The following FAR2 variants were observed in gnomAD, a reference collection of about 807,000 sequenced individuals.
FAR2 encodes the protein fatty acyl-CoA reductase 2, also known as epididymis secretory protein Li 81.
Under a neutral mutation model 56.0 loss-of-function variants are expected in FAR2, and 19 were observed. The observed-to-expected ratio is 0.34, with a 90% CI of 0.24 to 0.50. The LOEUF (loss-of-function observed/expected upper bound fraction) is 0.50, where lower values mean the gene tolerates loss of function less well. FAR2 is among the 20% of genes least tolerant of loss of function. FAR2 has a pLI of 0.98. For synonymous variants in FAR2, 219 were observed against 218.8 expected, an observed-to-expected ratio of 1.00 and a Z score of -0.01; for missense variants, 508 against 642.2, an observed-to-expected ratio of 0.79 and a Z score of 2.26.
intron 2 of FAR2, among the ~76,000 whole-genome samples, chr12:29,287,349 C>G (rs184988478): frequency 1.3e-5 from 2 of 152,286 alleles, no homozygotes; most frequent in East Asian, 1.9e-4. Flanking sequence ...TCCTTTACAT[C>G]TTATGAGAGT....
At chr12:29,192,198 C>T (rs10771492) in intron 1 of FAR2, among the ~76,000 whole-genome samples, 122,222 of 152,260 alleles carry the variant, frequency 0.8, 49,566 homozygotes, top group East Asian at 0.91. Flanking sequence ...AATTGCACAC[C>T]ACAGTGAATA....
chr12:29,226,671 T>G (rs1203317029), intron 1 of FAR2, among the ~76,000 whole-genome samples: 3 of 152,134 alleles, frequency 2.0e-5, no homozygotes, highest in African/African-American at 7.2e-5. Flanking sequence ...GTTTAGATAT[T>G]TAATTTTTGT....
intron 1 of FAR2, among the ~76,000 whole-genome samples, chr12:29,260,721 G>C (rs1286900136): frequency 6.6e-6 from 1 of 152,170 alleles, no homozygotes; most frequent in Non-Finnish European, 1.5e-5. Context: ...CCAGGCCCTG[G>C]CTCCAGGAAG....
intron 2 of FAR2, chr12:29,277,681 G>A (rs1404459499): frequency 6.6e-6 from 1 of 152,196 alleles, no homozygotes; most frequent in African/African-American, 2.4e-5. Context: ...TAGTGCCACT[G>A]GAGCTCAGGA....
At chr12:29,204,336 T>A (rs1287148471) in intron 1 of FAR2, among the ~76,000 whole-genome samples, 3 of 152,004 alleles carry the variant, frequency 2.0e-5, no homozygotes, top group African/African-American at 7.3e-5. Context: ...AATGGGGTGA[T>A]ATCAAGAGGT....
chr12:29,178,045 A>G (rs1949954879), intron 1 of FAR2, among the ~76,000 whole-genome samples: 1 of 152,190 alleles, frequency 6.6e-6, no homozygotes, highest in African/African-American at 2.4e-5. Flanking sequence ...AATTCATGGC[A>G]TCTCATGTGA....
intron 1 of FAR2, among the ~76,000 whole-genome samples, chr12:29,238,748 C>G (rs1947980421): frequency 1.3e-5 from 2 of 152,034 alleles, no homozygotes; most frequent in Non-Finnish European, 2.9e-5. Flanking sequence ...ATATTTCAAC[C>G]AAGGAACTTT....
chr12:29,287,091 A>T (rs750140946), intron 2 of FAR2, among the ~76,000 whole-genome samples: 1 of 152,200 alleles, frequency 6.6e-6, no homozygotes, highest in African/African-American at 2.4e-5. Flanking sequence ...CAATACACCA[A>T]TGGTTCTCAA....
rs868488948 is a variant in FAR2 at position 29,272,655 on chromosome 12, G to A, written c.189+2017G>A. 1.9e-4 allele frequency among the ~76,000 whole-genome samples: 29 copies of A among 152,182 alleles called. No individual in the cohort carries two copies. The South Asian group carries it at 4.6e-3, about 24-fold the overall frequency. Reference sequence around the variant, plus strand: ...TGTCAATTTGTCCATCTGATCCTCCGTCCAGTTCTGCATCCTTGATGGAGA... The same window carrying A: ...TGTCAATTTGTCCATCTGATCCTCCATCCAGTTCTGCATCCTTGATGGAGA... On this transcript the variant is annotated intron_variant, in intron 2 of 11. Transcript: ENST00000536681.
intron 1 of FAR2, among the ~76,000 whole-genome samples, chr12:29,210,533 A>G (rs1290648140): frequency 2.6e-5 from 4 of 152,248 alleles, no homozygotes; most frequent in Non-Finnish European, 5.9e-5. Context: ...GTATATAAAA[A>G]CAGTAGAGAT....
At position 29,334,567 on chromosome 12, in the gene FAR2, T is replaced by G. The variant is rs1949772807; in HGVS notation, c.*773T>G. 1 of 152,168 alleles carries G rather than the reference T, an allele frequency of 6.6e-6. No homozygotes were observed. Among genetic ancestry groups the G allele is most frequent in the African/African-American group, 2.4e-5 (1 of 41,456 alleles). The allele number at this position is 152,168 out of a possible 1,614,324, so 9.4% of individuals were successfully genotyped here. On this transcript the variant is annotated 3_prime_UTR_variant, in exon 12 of 12. Coordinates refer to ENST00000536681, the MANE Select transcript of FAR2 (RefSeq NM_001271783.2). ...TCCTCAATTTTCCTGGTAACCTTCT[T>G]TCAAGAGTCTCCTTCTTCTAAAAGT...
Position 29,321,942 on chromosome 12 carries a change from T to C in FAR2, c.1257+18T>C, listed in dbSNP as rs535702099. On this transcript the variant is annotated intron_variant, in intron 10 of 11. Coordinates refer to ENST00000536681, the MANE Select transcript of FAR2 (RefSeq NM_001271783.2). The stretch of plus-strand genomic sequence containing the variant: ...ACCAGAGAGTAAGTAGAGCACTGAC[T>C]TAAGCACCAGGAAAATGCTACTCAC... The C allele has an allele frequency of 6.3e-7, 1 of 1,598,150 alleles. No homozygotes were observed. The highest frequency in any genetic ancestry group is 1.3e-5 in the African/African-American group (1 of 74,332).
At chr12:29,217,241 T>C (rs1298461234) in intron 1 of FAR2, among the ~76,000 whole-genome samples, 1 of 152,208 alleles carries the variant, frequency 6.6e-6, no homozygotes, top group East Asian at 1.9e-4. Flanking sequence ...GAGGTCACTT[T>C]CCTGGAGGCA....
At chr12:29,182,956 T>C (rs1307163191) in intron 1 of FAR2, among the ~76,000 whole-genome samples, 15 of 111,072 alleles carry the variant, frequency 1.4e-4, no homozygotes, top group African/African-American at 4.1e-4. Flanking sequence ...TTTTTTTTTT[T>C]ACTTTCCATT....
intron 1 of FAR2, among the ~76,000 whole-genome samples, chr12:29,189,736 G>A (rs1404370558): frequency 2.0e-5 from 3 of 152,176 alleles, no homozygotes; most frequent in Non-Finnish European, 4.4e-5. Flanking sequence ...GGCTCACTGA[G>A]TCACATTTTT....
chr12:29,270,030 G>C (rs1948588136), intron 1 of FAR2, among the ~76,000 whole-genome samples: 1 of 152,162 alleles, frequency 6.6e-6, no homozygotes, highest in African/African-American at 2.4e-5. Flanking sequence ...CTTCAGCTCA[G>C]ATGTCACAGA....
chr12:29,210,385 G>A (rs1302821624), intron 1 of FAR2, among the ~76,000 whole-genome samples: 1 of 152,158 alleles, frequency 6.6e-6, no homozygotes, highest in Non-Finnish European at 1.5e-5. Context: ...TCTATTTCAA[G>A]ACTGATTTCC....
chr12:29,270,760 G>C, intron 2 of FAR2, 122 bp downstream of exon 2: 1 of 801,844 alleles, frequency 1.2e-6, no homozygotes, highest in Non-Finnish European at 1.8e-6. Flanking sequence ...GGTAGAGGAA[G>C]GCAGACAAAA....
chr12:29,269,497 C>T (rs550815865), intron 1 of FAR2, among the ~76,000 whole-genome samples: 54 of 152,108 alleles, frequency 3.6e-4, no homozygotes, highest in South Asian at 1.9e-3. Context: ...GGTCCTGAGG[C>T]GACATACATC....
Sources: allele counts gnomAD v4.1 joint callset (sites outside exome capture counted in the v4.1 genomes callset), GRCh38; gene constraint gnomAD v4.1.1; transcripts MANE v1.5; gene names NCBI Gene and HGNC (gene_info 2026-07-23, HGNC 2026-07-21).